Variants in TRNT1 observed in about 807,000 individuals in gnomAD.
TRNT1 encodes the protein tRNA nucleotidyl transferase 1, also known as CCA tRNA nucleotidyltransferase 1, mitochondrial.
A neutral mutation model predicts 45.6 loss-of-function variants in TRNT1; 44 were observed. The ratio of observed to expected loss-of-function variants is 0.97; its 90% CI spans 0.76 to 1.24. The LOEUF is 1.24. Among genes scored for constraint, TRNT1 ranks in the 50% most tolerant of loss-of-function variants. TRNT1 has a pLI of 0.00. For missense variants in TRNT1, 633 were observed against 504.4 expected (o/e 1.25, Z -2.44); for synonymous variants, 201 against 171.4 (o/e 1.17, Z -1.35).
Position 3,148,346 on chromosome 3 carries a change from A to G in TRNT1, c.*192A>G. On this transcript the variant is annotated 3_prime_UTR_variant, in exon 8 of 8. Coordinates refer to ENST00000251607, the MANE Select transcript of TRNT1 (RefSeq NM_182916.3). ...AGATCCACCTTTCTGGATCTGATTT[A>G]TATCACTGAAATGTACAGTTCTTTT... 7.1e-6 allele frequency: 4 copies of G among 561,190 alleles called. No individual in the cohort carries two copies. The highest frequency in any genetic ancestry group is 1.2e-5 in the Non-Finnish European group (4 of 325,646). 34.8% of individuals were successfully genotyped at this position (561,190 alleles called of 1,614,324 possible).
chr3:3,152,264 T>A (rs139660334), downstream of TRNT1, among the ~76,000 whole-genome samples: 127 of 152,102 alleles, frequency 8.3e-4, 4 homozygotes, highest in East Asian at 0.023. Context: ...GAGATTCTTG[T>A]GCCTCAGCAT....
chr3:3,129,365 A>G (rs1377784496), intron 2 of TRNT1, 177 bp downstream of exon 2: 2 of 576,584 alleles, frequency 3.5e-6, no homozygotes, highest in Admixed American at 6.3e-5. Flanking sequence ...TCCTGGGCTC[A>G]CTCCTTGGCC....
downstream of TRNT1, chr3:3,150,985 C>T (rs116847323): frequency 1.3e-3 from 2,118 of 1,613,938 alleles, 28 homozygotes; most frequent in East Asian, 0.031. Context: ...TTTTGGTGGC[C>T]GTAAACTTCC....
At chr3:3,134,644 A>G (rs1301145350) in intron 2 of TRNT1, among the ~76,000 whole-genome samples, 1 of 152,134 alleles carries the variant, frequency 6.6e-6, no homozygotes, top group Non-Finnish European at 1.5e-5. Context: ...ATTTGCTTGA[A>G]TTTCAGAACA....
At chr3:3,127,045 C>T (rs1280267424) in intron 1 of TRNT1, 55 bp downstream of exon 1, 1 of 152,370 alleles carries the variant, frequency 6.6e-6, no homozygotes. Flanking sequence ...AGTTGCTGCC[C>T]CTTCCTTCCT....
chr3:3,127,191 G>A (rs1704636923), intron 1 of TRNT1: 1 of 152,338 alleles, frequency 6.6e-6, no homozygotes, highest in Non-Finnish European at 1.5e-5. Context: ...GGCGACCGCA[G>A]GCGCGGATTC....
downstream of TRNT1, chr3:3,152,318 A>C (rs1191816074): frequency 2.1e-6 from 2 of 958,430 alleles, no homozygotes; most frequent in Admixed American, 2.4e-5. Flanking sequence ...ATACCCGGCT[A>C]ATTTTTGTAG....
chr3:3,152,574 C>A, downstream of TRNT1: 2 of 1,613,986 alleles, frequency 1.2e-6, no homozygotes, highest in Non-Finnish European at 1.7e-6. Context: ...GCCATCGGCC[C>A]ACATAAGGAT....
chr3:3,129,247 G>T, intron 2 of TRNT1, 59 bp downstream of exon 2: 1 of 1,451,302 alleles, frequency 6.9e-7, no homozygotes, highest in Admixed American at 2.0e-5. Context: ...GAAGTAGAGG[G>T]TTAACTTTTT....
In TRNT1 at chr3:3,147,604, G is replaced by A; in HGVS notation, c.957G>A (p.Glu319=). 1.9e-6 allele frequency: 3 copies of A among 1,613,850 alleles called. No homozygotes were observed. Among genetic ancestry groups the A allele is most frequent in the Non-Finnish European group, 2.5e-6 (3 of 1,179,854 alleles). ...TGAGGTTGAAGATCGCAAAAGAGGA[G>A]AAAAACCTTGGCTTATTTATAGTTA... The part of the protein sequence containing the change: ...LDLRLKIAKE[E]KNLGLFIVKN... Residue 319 remains glutamate, a synonymous_variant, in exon 7 of 8, where the codon GAG becomes GAA. Coordinates refer to ENST00000251607, the MANE Select transcript of TRNT1 (RefSeq NM_182916.3).
At position 3,132,733 on chromosome 3, in the gene TRNT1, AAAAAAAAAAAAC is replaced by A. The variant is rs1705086948; in HGVS notation, c.148+3547_148+3558del. 3.0e-5 allele frequency among the ~76,000 whole-genome samples: 4 copies of A among 131,576 alleles called. No individual in the cohort carries two copies. The Admixed American group carries it at 3.2e-4, about 11-fold the overall frequency. The allele number at this position is 131,576 out of a possible 152,430, so 86.3% of individuals were successfully genotyped here. On this transcript the variant is annotated intron_variant, in intron 2 of 7. Coordinates refer to ENST00000251607, the MANE Select transcript of TRNT1 (RefSeq NM_182916.3). The stretch of plus-strand genomic sequence containing the variant: ...AAAAAAACATATACCTATTGAAGGA[AAAAAAAAAAAAC>A]ACAAAAAAAAAACACTGGATTTTCT...
chr3:3,149,069 CAT>C (rs1491129939), downstream of TRNT1: 1 of 151,130 alleles, frequency 6.6e-6, no homozygotes, highest in Non-Finnish European at 1.5e-5. Context: ...ACTGACATTT[CAT>C]AATTTATTTC....
chr3:3,135,607 T>C (rs578005015), intron 2 of TRNT1, among the ~76,000 whole-genome samples: 4 of 152,228 alleles, frequency 2.6e-5, no homozygotes. Flanking sequence ...TTTAAGTACA[T>C]CATTTTAAGG....
intron 3 of TRNT1, among the ~76,000 whole-genome samples, chr3:3,139,877 C>T (rs963965505): frequency 2.0e-5 from 3 of 152,118 alleles, no homozygotes; most frequent in African/African-American, 7.2e-5. Context: ...CAGGCATGCA[C>T]CACCACACCT....
chr3:3,142,506 A>G (rs1395333517), intron 4 of TRNT1, among the ~76,000 whole-genome samples: 1 of 152,190 alleles, frequency 6.6e-6, no homozygotes, highest in African/African-American at 2.4e-5. Context: ...ACTCAACCAT[A>G]TTTCATATTT....
chr3:3,151,105 A>G, downstream of TRNT1: 2 of 1,566,580 alleles, frequency 1.3e-6, no homozygotes, highest in East Asian at 4.6e-5. Context: ...AGCCTATCAT[A>G]TAAACCTATC....
At chr3:3,150,232 T>G (rs764009623), downstream of TRNT1, 1 of 152,528 alleles carries the variant, frequency 6.6e-6, no homozygotes, top group Admixed American at 6.5e-5. Context: ...CAATACTACT[T>G]TTTACTAACA....
At chr3:3,152,345 C>A, downstream of TRNT1, 2 of 1,191,550 alleles carry the variant, frequency 1.7e-6, no homozygotes, top group Admixed American at 4.2e-5. Flanking sequence ...ACTCATTTGT[C>A]TGTCTACTTT....
chr3:3,153,229 T>C, downstream of TRNT1: 1 of 542,694 alleles, frequency 1.8e-6, no homozygotes, highest in South Asian at 2.1e-5. Flanking sequence ...CTGTGAATAA[T>C]CCCTGACATG....
Sources: gnomAD v4.1 joint callset for allele counts (sites outside exome capture counted in the v4.1 genomes callset) on GRCh38, gnomAD v4.1.1 for gene constraint, MANE v1.5 for transcripts, NCBI Gene and HGNC (gene_info 2026-07-23, HGNC 2026-07-21) for gene names.